NRF1: variants seen among roughly 807,000 people sequenced by gnomAD.
NRF1 encodes nuclear respiratory factor 1, also known as alpha palindromic-binding protein.
A neutral mutation model predicts 58.5 loss-of-function variants in NRF1; 5 were observed. The ratio of observed to expected loss-of-function variants is 0.09; its 90% confidence interval spans 0.04 to 0.18. The LOEUF (loss-of-function observed/expected upper bound fraction) is 0.18, where lower values mean the gene tolerates loss of function less well. NRF1 is among the 10% of genes least tolerant of loss of function. NRF1 has a pLI of 1.00. For synonymous variants in NRF1, 224 were observed against 246.7 expected (o/e 0.91, Z 0.86); for missense variants, 288 against 657.7 (o/e 0.44, Z 6.15).
intron 2 of NRF1, 99 bp from the exon 3 acceptor site, chr7:129,671,330 T>C (rs1488142755): frequency 3.1e-6 from 2 of 652,350 alleles, no homozygotes; most frequent in African/African-American, 3.6e-5. Flanking sequence ...GACAACAATA[T>C]TAGGAAAGCA....
At chr7:129,661,836 A>G (rs1163009504) in intron 2 of NRF1, among the ~76,000 whole-genome samples, 2 of 149,948 alleles carry the variant, frequency 1.3e-5, no homozygotes, top group Admixed American at 6.6e-5. Flanking sequence ...GCAGCACCCC[A>G]CTCCTGGTAC....
chr7:129,751,466 C>T (rs566326862), intron 10 of NRF1, among the ~76,000 whole-genome samples: 20 of 152,338 alleles, frequency 1.3e-4, no homozygotes, highest in South Asian at 2.1e-4. Context: ...GAAAATCTTC[C>T]GTGATACTAT....
chr7:129,749,550 A>G (rs1804064119), intron 10 of NRF1, among the ~76,000 whole-genome samples: 1 of 151,810 alleles, frequency 6.6e-6, no homozygotes, highest in Non-Finnish European at 1.5e-5. Flanking sequence ...GGAAATCTTT[A>G]TGTTGGCACC....
chr7:129,696,474 T>A (rs1243210703), intron 5 of NRF1, among the ~76,000 whole-genome samples: 1 of 152,184 alleles, frequency 6.6e-6, no homozygotes, highest in Admixed American at 6.5e-5. Context: ...TGTAAAAAAT[T>A]CTTATTTTAT....
At chr7:129,726,399 A>G (rs892808712) in intron 9 of NRF1, among the ~76,000 whole-genome samples, 4 of 152,238 alleles carry the variant, frequency 2.6e-5, no homozygotes, top group Admixed American at 1.3e-4. Context: ...AAAAATGGGT[A>G]TTTATGCACA....
intron 1 of NRF1, among the ~76,000 whole-genome samples, chr7:129,648,128 G>A (rs1034865742): frequency 2.0e-5 from 3 of 151,960 alleles, no homozygotes; most frequent in Admixed American, 2.0e-4. Flanking sequence ...TCCCCATCCC[G>A]AGTCCCACTT....
intron 5 of NRF1, among the ~76,000 whole-genome samples, chr7:129,696,084 A>AAAT (rs757035741): frequency 9.0e-6 from 1 of 110,882 alleles, no homozygotes; most frequent in Non-Finnish European, 1.8e-5. Context: ...AAAAAAAAAA[A>AAAT]AACAACCAAA....
intron 1 of NRF1, among the ~76,000 whole-genome samples, chr7:129,619,679 T>C (rs1800748571): frequency 6.7e-6 from 1 of 149,704 alleles, no homozygotes; most frequent in Admixed American, 6.6e-5. Flanking sequence ...GCTTAAATGC[T>C]TTGGGAGATG....
At chr7:129,633,068 G>A (rs1801086176) in intron 1 of NRF1, among the ~76,000 whole-genome samples, 1 of 152,132 alleles carries the variant, frequency 6.6e-6, no homozygotes, top group South Asian at 2.1e-4. Context: ...GAAAATGAAT[G>A]AGCATTATAT....
At chr7:129,629,431 A>G (rs1230151127) in intron 1 of NRF1, among the ~76,000 whole-genome samples, 2 of 152,044 alleles carry the variant, frequency 1.3e-5, no homozygotes, top group Admixed American at 6.6e-5. Flanking sequence ...CTGCCACCAC[A>G]CGCCTGGCTG....
intron 1 of NRF1, among the ~76,000 whole-genome samples, chr7:129,625,322 G>A (rs999884120): frequency 5.9e-5 from 9 of 152,122 alleles, no homozygotes; most frequent in African/African-American, 1.9e-4. Context: ...AAGTGAGGTA[G>A]TATTCACAGG....
chr7:129,628,740 A>G lies in NRF1; in HGVS notation c.-7+16916A>G, dbSNP rs1223294643. Reference sequence around the variant, plus strand: ...TTCAGATAATTGTGGATATTCTTTGATATATTAAAACTCAGCAGTGGTAGT... The same window carrying G: ...TTCAGATAATTGTGGATATTCTTTGGTATATTAAAACTCAGCAGTGGTAGT... On this transcript the variant is annotated intron_variant, in intron 1 of 10. Coordinates refer to ENST00000393232, the MANE Select transcript of NRF1 (RefSeq NM_005011.5). Among the ~76,000 whole-genome samples, 5 of 152,206 alleles carry G rather than the reference A, an allele frequency of 3.3e-5. 1 individual carries two copies. Among genetic ancestry groups the G allele is most frequent in the Admixed American group, 3.3e-4 (5 of 15,282 alleles).
intron 10 of NRF1, among the ~76,000 whole-genome samples, chr7:129,746,869 T>C (rs559189777): frequency 6.6e-6 from 1 of 152,348 alleles, no homozygotes; most frequent in African/African-American, 2.4e-5. Flanking sequence ...TCAACAGCCA[T>C]CAATATTTTT....
At chr7:129,657,720 C>A in intron 2 of NRF1, 146 bp downstream of exon 2, 1 of 608,630 alleles carries the variant, frequency 1.6e-6, no homozygotes. Flanking sequence ...AGTGATTCTC[C>A]CATCTCAGCC....
Position 129,717,293 on chromosome 7 carries a change from G to A in NRF1, c.1140G>A (p.Gln380=), listed in dbSNP as rs1222783593. 1.2e-6 allele frequency: 2 copies of A among 1,614,046 alleles called. No homozygotes were observed. The highest frequency in any genetic ancestry group is 1.7e-6 in the Non-Finnish European group (2 of 1,179,922). Residue 380 remains glutamine, a synonymous_variant, in exon 9 of 11, where the codon CAG becomes CAA. Transcript: ENST00000393232. ...CGACGCAAGCATCAGAGGCCACCCA[G>A]GCGGTGGCATCGTTGGCAGAGGCCG... ...IQTTQASEAT[Q]AVASLAEAAV...
intron 1 of NRF1, among the ~76,000 whole-genome samples, chr7:129,648,468 A>G (rs1207137935): frequency 6.6e-6 from 1 of 151,524 alleles, no homozygotes; most frequent in African/African-American, 2.4e-5. Flanking sequence ...TTTAGTAGAG[A>G]CGGGGTTTCA....
At chr7:129,696,640 G>A (rs556409222) in intron 5 of NRF1, among the ~76,000 whole-genome samples, 1 of 152,314 alleles carries the variant, frequency 6.6e-6, no homozygotes, top group Admixed American at 6.5e-5. Context: ...AATAGAGATA[G>A]ACTTGGGTTA....
chr7:129,696,692 A>G (rs1001963987), intron 5 of NRF1, among the ~76,000 whole-genome samples: 5 of 152,244 alleles, frequency 3.3e-5, no homozygotes, highest in African/African-American at 1.2e-4. Flanking sequence ...ACTTAATGGT[A>G]TAGAGATAAC....
chr7:129,642,907 T>C (rs944086532), intron 1 of NRF1, among the ~76,000 whole-genome samples: 1 of 151,852 alleles, frequency 6.6e-6, no homozygotes, highest in Non-Finnish European at 1.5e-5. Context: ...ACTACAGGCA[T>C]GCACTACCAC....
Sources: allele counts gnomAD v4.1 joint callset (sites outside exome capture counted in the v4.1 genomes callset), GRCh38; gene constraint gnomAD v4.1.1; transcripts MANE v1.5; gene names NCBI Gene and HGNC (gene_info 2026-07-23, HGNC 2026-07-21).